COL28A1: variants seen among roughly 807,000 people sequenced by gnomAD.
COL28A1 encodes the protein collagen type XXVIII alpha 1 chain.
Under a neutral mutation model 150.2 loss-of-function variants are expected in COL28A1, and 161 were observed. The ratio of observed to expected loss-of-function variants is 1.07; its 90% CI spans 0.94 to 1.22. COL28A1 has a LOEUF of 1.22. Ranked by LOEUF, COL28A1 falls within the 50% of genes most tolerant of loss-of-function variation. COL28A1 has a pLI of 0.00. For synonymous variants in COL28A1, 552 were observed against 469.7 expected, an observed-to-expected ratio of 1.18 and a Z score of -2.26; for missense variants, 1,617 against 1,388.3, an observed-to-expected ratio of 1.16 and a Z score of -2.62.
chr7:7,427,584 G>A (rs1784717781), intron 25 of COL28A1, among the ~76,000 whole-genome samples: 1 of 152,182 alleles, frequency 6.6e-6, no homozygotes, highest in South Asian at 2.1e-4. Flanking sequence ...AGCCATTGCA[G>A]AGAACAGAGG....
chr7:7,431,616 G>T (rs999584762), intron 25 of COL28A1: 1 of 471,024 alleles, frequency 2.1e-6, no homozygotes, highest in South Asian at 1.5e-5. Flanking sequence ...GGGCATGAAG[G>T]ATCTTCAAGG....
intron 21 of COL28A1, among the ~76,000 whole-genome samples, chr7:7,440,217 AT>A (rs991132593): frequency 3.3e-5 from 5 of 152,106 alleles, no homozygotes; most frequent in African/African-American, 1.2e-4. Flanking sequence ...CACCATATTG[AT>A]TTTTTTCTCT....
chr7:7,404,598 C>CT (rs1371783269), intron 27 of COL28A1, among the ~76,000 whole-genome samples: 1 of 152,068 alleles, frequency 6.6e-6, no homozygotes, highest in African/African-American at 2.4e-5. Flanking sequence ...ATCCACAAGG[C>CT]TGTCTCCCTC....
intron 25 of COL28A1, among the ~76,000 whole-genome samples, chr7:7,423,401 A>T (rs1290544602): frequency 6.6e-6 from 1 of 152,196 alleles, no homozygotes; most frequent in Non-Finnish European, 1.5e-5. Context: ...TCTCCAGTGA[A>T]CCTGAGATAG....
intron 27 of COL28A1, among the ~76,000 whole-genome samples, chr7:7,404,489 A>T (rs1455441116): frequency 1.3e-5 from 2 of 151,804 alleles, no homozygotes; most frequent in Non-Finnish European, 2.9e-5. Flanking sequence ...CATCCACACT[A>T]GTCTCTTTTC....
At chr7:7,408,733 G>A (rs1211997941) in intron 27 of COL28A1, among the ~76,000 whole-genome samples, 1 of 151,832 alleles carries the variant, frequency 6.6e-6, no homozygotes, top group East Asian at 1.9e-4. Context: ...CTGTACTTAG[G>A]GAAAAAGAAT....
intron 3 of COL28A1, among the ~76,000 whole-genome samples, chr7:7,528,105 G>A (rs1443378046): frequency 1.3e-5 from 2 of 151,876 alleles, no homozygotes; most frequent in African/African-American, 2.4e-5. Flanking sequence ...TGTGAGGGAG[G>A]GAATACCTTA....
chr7:7,448,313 C>T (rs1391019585), intron 18 of COL28A1, among the ~76,000 whole-genome samples: 8 of 152,122 alleles, frequency 5.3e-5, no homozygotes, highest in Non-Finnish European at 1.2e-4. Context: ...GAAAAAAAGA[C>T]ATGTTGTGTA....
chr7:7,495,429 A>T (rs1780154355), intron 11 of COL28A1, among the ~76,000 whole-genome samples: 2 of 152,200 alleles, frequency 1.3e-5, no homozygotes, highest in Non-Finnish European at 2.9e-5. Context: ...GGAGTGGAAG[A>T]ATACAAAGAT....
downstream of COL28A1, among the ~76,000 whole-genome samples, chr7:7,351,670 C>A (rs1780232643): frequency 6.6e-6 from 1 of 151,942 alleles, no homozygotes; most frequent in Non-Finnish European, 1.5e-5. Flanking sequence ...TCAAAAATTA[C>A]TAATTTATGT....
At chr7:7,528,675 T>C (rs139764239) in intron 3 of COL28A1, among the ~76,000 whole-genome samples, 1 of 152,328 alleles carries the variant, frequency 6.6e-6, no homozygotes, top group African/African-American at 2.4e-5. Flanking sequence ...TTGTATAAAA[T>C]TCTAGAAAGT....
intron 13 of COL28A1, among the ~76,000 whole-genome samples, chr7:7,477,382 T>C (rs965255983): frequency 6.6e-6 from 1 of 152,260 alleles, no homozygotes; most frequent in Non-Finnish European, 1.5e-5. Flanking sequence ...AATAACTATT[T>C]ACACAGCATT....
At chr7:7,444,759 T>A (rs1786121146) in intron 18 of COL28A1, among the ~76,000 whole-genome samples, 1 of 152,112 alleles carries the variant, frequency 6.6e-6, no homozygotes. Flanking sequence ...GGAAACATGG[T>A]CTTTGCAGAT....
chr7:7,452,858 G>A (rs1786819949), intron 17 of COL28A1, among the ~76,000 whole-genome samples: 1 of 152,162 alleles, frequency 6.6e-6, no homozygotes, highest in Non-Finnish European at 1.5e-5. Context: ...CAGCTCTAGG[G>A]AGTGTGTTCT....
At chr7:7,512,494 A>G (rs1235310899) in intron 8 of COL28A1, among the ~76,000 whole-genome samples, 1 of 152,146 alleles carries the variant, frequency 6.6e-6, no homozygotes, top group African/African-American at 2.4e-5. Flanking sequence ...AGATTTGTCC[A>G]TTAAATTTTT....
intron 27 of COL28A1, among the ~76,000 whole-genome samples, chr7:7,399,450 C>T (rs1472736519): frequency 6.6e-6 from 1 of 152,130 alleles, no homozygotes; most frequent in Non-Finnish European, 1.5e-5. Flanking sequence ...GCCTTTCTAC[C>T]TTCAGAGTGC....
At chr7:7,407,654 G>T (rs1395113016) in intron 27 of COL28A1, among the ~76,000 whole-genome samples, 1 of 151,994 alleles carries the variant, frequency 6.6e-6, no homozygotes, top group Non-Finnish European at 1.5e-5. Flanking sequence ...GAAAAAAATT[G>T]CTCTAGTAGA....
Position 7,478,282 on chromosome 7 carries a change from G to T in COL28A1, c.1165-1102C>A, listed in dbSNP as rs569037179. 4.1e-5 allele frequency among the ~76,000 whole-genome samples: 6 copies of T among 146,628 alleles called. No homozygotes were observed. In the South Asian group the frequency reaches 8.8e-4, roughly 21 times the overall value. The stretch of plus-strand genomic sequence containing the variant: ...AAATCCCTTAGCTAGACATAAAGAT[G>T]CTCCAAGTCCCCACCAGATTAACTA... On this transcript the variant is annotated intron_variant, in intron 13 of 34. Transcript: ENST00000399429.
chr7:7,463,330 T>C (rs1481502412), intron 15 of COL28A1, among the ~76,000 whole-genome samples: 1 of 152,196 alleles, frequency 6.6e-6, no homozygotes, highest in Non-Finnish European at 1.5e-5. Flanking sequence ...TAACATATTA[T>C]ATCGAGCACT....
Sources: allele counts gnomAD v4.1 joint callset (sites outside exome capture counted in the v4.1 genomes callset), GRCh38; gene constraint gnomAD v4.1.1; transcripts MANE v1.5; gene names NCBI Gene and HGNC (gene_info 2026-07-23, HGNC 2026-07-21).